The following SLC6A13 variants were observed in gnomAD, a reference collection of about 807,000 sequenced individuals.
The protein encoded by SLC6A13 is solute carrier family 6 member 13.
A neutral mutation model predicts 72.9 loss-of-function variants in SLC6A13; 69 were observed. The observed-to-expected ratio is 0.95, with a 90% CI of 0.78 to 1.16. The LOEUF is 1.16. Among genes scored for constraint, SLC6A13 ranks in the 50% most tolerant of loss-of-function variants. The pLI, the probability that SLC6A13 is intolerant of heterozygous loss-of-function variation, is 0.00. For missense variants in SLC6A13, 735 were observed against 760.5 expected (o/e 0.97, Z 0.39); for synonymous variants, 303 against 303.0 (o/e 1.00, Z 0.00).
intron 4 of SLC6A13, 189 bp from the exon 5 acceptor site, chr12:238,199 C>T: frequency 6.5e-7 from 1 of 1,529,654 alleles, no homozygotes; most frequent in Non-Finnish European, 8.8e-7. Flanking sequence ...CTCTCTCCCG[C>T]ACACTTGGAC....
rs556419309 is a variant in SLC6A13, at chr12:234,116, C to T, written c.831+974G>A. ...CCTAGAGGAGGAGCTCTAGGTTGCACGCTCACTCCCCCGGCAGGATGGTCT... is the reference window on the plus strand; with the variant it reads ...CCTAGAGGAGGAGCTCTAGGTTGCATGCTCACTCCCCCGGCAGGATGGTCT... On this transcript the variant is annotated intron_variant, in intron 7 of 14. Coordinates refer to ENST00000343164, the MANE Select transcript of SLC6A13 (RefSeq NM_016615.5). Among the ~76,000 whole-genome samples, 10 of 152,274 alleles carry T rather than the reference C, an allele frequency of 6.6e-5. No homozygotes were observed. In the South Asian group the frequency reaches 1.9e-3, roughly 28 times the overall value.
At chr12:230,401 T>C (rs1223888935) in intron 7 of SLC6A13, among the ~76,000 whole-genome samples, 1 of 152,182 alleles carries the variant, frequency 6.6e-6, no homozygotes, top group African/African-American at 2.4e-5. Flanking sequence ...AAAGCACAGC[T>C]TTGAAGTTAC....
At chr12:236,988 T>A (rs1004008401) in intron 6 of SLC6A13, 170 bp downstream of exon 6, 32 of 682,556 alleles carry the variant, frequency 4.7e-5, no homozygotes, top group Non-Finnish European at 4.9e-6. Context: ...AAACCAGAAG[T>A]ATGTGAGTCT....
At chr12:260,204 G>T in intron 1 of SLC6A13, 147 bp from the exon 2 acceptor site, 1 of 814,250 alleles carries the variant, frequency 1.2e-6, no homozygotes, top group Non-Finnish European at 1.9e-6. Context: ...GTCCTCCTTA[G>T]CAGTTCTCAT....
intron 2 of SLC6A13, among the ~76,000 whole-genome samples, chr12:256,986 A>G (rs553530838): frequency 6.6e-6 from 1 of 152,242 alleles, no homozygotes; most frequent in Non-Finnish European, 1.5e-5. Context: ...AAGGGGTCCA[A>G]CCAATCTACA....
At chr12:238,682 T>C (rs771398566) in intron 4 of SLC6A13, among the ~76,000 whole-genome samples, 15 of 152,210 alleles carry the variant, frequency 9.9e-5, no homozygotes, top group Non-Finnish European at 1.9e-4. Context: ...AGATACTGTT[T>C]TCCCCATTGT....
intron 7 of SLC6A13, among the ~76,000 whole-genome samples, chr12:228,044 C>G (rs908053568): frequency 6.6e-6 from 1 of 152,086 alleles, no homozygotes; most frequent in African/African-American, 2.4e-5. Flanking sequence ...TGGAGGAATC[C>G]AGGCACAGGG....
chr12:235,294 G>A, intron 6 of SLC6A13, 70 bp from the exon 7 acceptor site: 2 of 1,519,196 alleles, frequency 1.3e-6, no homozygotes, highest in Non-Finnish European at 9.1e-7. Flanking sequence ...GGCAGGGGCA[G>A]GAGGCAGGGG....
At position 242,656 on chromosome 12, in the gene SLC6A13, T is replaced by C. The variant is rs772258037; in HGVS notation, c.436A>G (p.Ile146Val). ...TAGCAGCCGCCCCAGGGCAGGTCGA[T>C]GGTGAAGCTGCTGAAGAGGTAGAAC... is the stretch of plus-strand genomic sequence containing the variant. ...ALFYLFSSFT[I>V]DLPWGGCYHE... The change falls in exon 4 of 15, where the codon ATC becomes GTC. Residue 146 changes from isoleucine to valine, a missense_variant. Transcript: ENST00000343164. 1.9e-6 allele frequency: 3 copies of C among 1,613,688 alleles called. No homozygotes were observed. The highest frequency in any genetic ancestry group is 2.5e-6 in the Non-Finnish European group (3 of 1,179,864).
At position 226,443 on chromosome 12, in the gene SLC6A13, A is replaced by G. The variant is rs751589338; in HGVS notation, c.1007T>C (p.Leu336Pro). 9 of 1,614,098 alleles carry G rather than the reference A, an allele frequency of 5.6e-6. No homozygotes were observed. Among genetic ancestry groups the G allele is most frequent in the Non-Finnish European group, 7.6e-6 (9 of 1,179,950 alleles). The change falls in exon 9 of 15, where the codon CTG becomes CCG. Residue 336 changes from leucine to proline, a missense_variant. Leu to Pro is a moderately conservative substitution (Grantham distance 98). Transcript: ENST00000343164. Reference sequence around the variant, plus strand: ...CCCCTGCTCCTGAGACATGAAGCCCAGGATGGAGAAGATGGCAAAGCCGGC... The same window carrying G: ...CCCCTGCTCCTGAGACATGAAGCCCGGGATGGAGAAGATGGCAAAGCCGGC... ...FVAGFAIFSI[L>P]GFMSQEQGVP...
rs190305844 is a variant in SLC6A13 at position 223,045 on chromosome 12, G to A, written c.1414+87C>T. On this transcript the variant is annotated intron_variant, in intron 12 of 14. Coordinates refer to ENST00000343164, the MANE Select transcript of SLC6A13 (RefSeq NM_016615.5). ...AGGCGCCCCAGGAAAAGTTAAGTGC[G>A]AGCAGTAGATGTCTGTTTCGTGTCT... 7.9e-4 allele frequency: 631 copies of A among 797,286 alleles called. 2 individuals carry two copies. Among genetic ancestry groups the A allele is most frequent in the East Asian group, 3.7e-3 (148 of 39,524 alleles). 49.4% of individuals were successfully genotyped at this position (797,286 alleles called of 1,614,324 possible). A position where few individuals can be genotyped will look rare whatever the true frequency, so the allele number is the denominator to read the frequency against.
At chr12:259,533 C>T (rs1222219265) in intron 2 of SLC6A13, 7 of 1,359,538 alleles carry the variant, frequency 5.1e-6, no homozygotes, top group Non-Finnish European at 5.7e-6. Context: ...GCAATTGATG[C>T]TCTGAGAGCT....
chr12:262,073 G>A (rs909921150), intron 1 of SLC6A13, among the ~76,000 whole-genome samples: 1 of 152,144 alleles, frequency 6.6e-6, no homozygotes, highest in Non-Finnish European at 1.5e-5. Flanking sequence ...GTTGTCTAAG[G>A]TACTGACTGT....
At chr12:239,896 G>A (rs563832468) in intron 4 of SLC6A13, among the ~76,000 whole-genome samples, 8 of 152,288 alleles carry the variant, frequency 5.3e-5, no homozygotes, top group African/African-American at 1.9e-4. Flanking sequence ...TAGGCTCTGA[G>A]TAAAACCAGG....
At chr12:260,112 T>C (rs1942880085) in intron 1 of SLC6A13, 55 bp from the exon 2 acceptor site, 4 of 1,560,774 alleles carry the variant, frequency 2.6e-6, no homozygotes, top group Non-Finnish European at 3.5e-6. Flanking sequence ...AGGAAACCCC[T>C]CCTCCTGCTT....
intron 2 of SLC6A13, among the ~76,000 whole-genome samples, chr12:257,847 T>C (rs1310362542): frequency 1.3e-5 from 2 of 152,148 alleles, no homozygotes; most frequent in East Asian, 3.8e-4. Context: ...CTCTCCCACC[T>C]CTTCGTGCCA....
chr12:223,839 G>A, intron 11 of SLC6A13, 153 bp downstream of exon 11: 1 of 818,830 alleles, frequency 1.2e-6, no homozygotes, highest in Non-Finnish European at 1.9e-6. Flanking sequence ...TGCCTACTTT[G>A]TCGTTCCTGG....
At chr12:251,717 C>G (rs1942556009) in intron 2 of SLC6A13, among the ~76,000 whole-genome samples, 1 of 152,136 alleles carries the variant, frequency 6.6e-6, no homozygotes, top group South Asian at 2.1e-4. Context: ...CTTTGGGAGG[C>G]CAAGGCTGGA....
chr12:227,867 G>T (rs1419361005), intron 7 of SLC6A13, among the ~76,000 whole-genome samples, 199 bp from the exon 8 acceptor site: 2 of 152,198 alleles, frequency 1.3e-5, no homozygotes, highest in African/African-American at 4.8e-5. Flanking sequence ...AGTTTCTTGG[G>T]CACTACTAGG....
Sources: allele counts gnomAD v4.1 joint callset (sites outside exome capture counted in the v4.1 genomes callset), GRCh38; gene constraint gnomAD v4.1.1; transcripts MANE v1.5; gene names NCBI Gene and HGNC (gene_info 2026-07-23, HGNC 2026-07-21).